Variants in GLRA3 observed in about 807,000 individuals in gnomAD.
The protein encoded by GLRA3 is glycine receptor subunit alpha-3.
A neutral mutation model predicts 60.4 loss-of-function variants in GLRA3; 44 were observed. The ratio of observed to expected loss-of-function variants is 0.73; its 90% CI spans 0.57 to 0.94. GLRA3 has a LOEUF of 0.94. GLRA3 is among the 40% of genes least tolerant of loss of function. GLRA3 has a pLI of 0.00. For synonymous variants in GLRA3, 223 were observed against 192.9 expected (o/e 1.16, Z -1.29); for missense variants, 508 against 564.6 (o/e 0.90, Z 1.02).
intron 2 of GLRA3, among the ~76,000 whole-genome samples, chr4:174,786,151 T>C (rs1234461551): frequency 2.6e-5 from 4 of 152,106 alleles, no homozygotes; most frequent in Non-Finnish European, 5.9e-5. Context: ...TGCTTACTAT[T>C]AATTCATTGT....
intron 3 of GLRA3, among the ~76,000 whole-genome samples, chr4:174,732,826 T>C: frequency 6.6e-6 from 1 of 152,050 alleles, no homozygotes; most frequent in Non-Finnish European, 1.5e-5. Context: ...TATGTATGTG[T>C]ATGTGTGTGT....
intron 7 of GLRA3, among the ~76,000 whole-genome samples, chr4:174,668,622 G>A (rs1733774460): frequency 1.3e-5 from 2 of 152,102 alleles, no homozygotes; most frequent in African/African-American, 4.8e-5. Flanking sequence ...TTAATCAATG[G>A]ATTCTAGAAA....
intron 1 of GLRA3, among the ~76,000 whole-genome samples, chr4:174,794,318 C>T (rs574514646): frequency 1.3e-4 from 20 of 152,206 alleles, no homozygotes; most frequent in African/African-American, 4.6e-4. Flanking sequence ...AAATATTACT[C>T]CAAATACAAG....
intron 1 of GLRA3, among the ~76,000 whole-genome samples, chr4:174,828,414 C>T (rs533230874): frequency 6.6e-6 from 1 of 152,184 alleles, no homozygotes; most frequent in South Asian, 2.1e-4. Flanking sequence ...AAGAGTAACA[C>T]CCAAATTATA....
At chr4:174,787,504 T>C (rs1739168274) in intron 2 of GLRA3, among the ~76,000 whole-genome samples, 1 of 151,092 alleles carries the variant, frequency 6.6e-6, no homozygotes, top group Non-Finnish European at 1.5e-5. Flanking sequence ...TTGTACCCTG[T>C]AAGCTGTACT....
chr4:174,701,485 C>A (rs1735317068), intron 5 of GLRA3, among the ~76,000 whole-genome samples: 1 of 152,152 alleles, frequency 6.6e-6, no homozygotes. Flanking sequence ...AACATAGCAT[C>A]CATTCTGTGG....
Position 174,642,359 on chromosome 4 carries a change from A to G in GLRA3, c.*1427T>C. ...AATCTTTAAAGTTTTCTCTGTGAAT[A>G]ATTTGGTGGACTGAGTTTGTGCATC... On this transcript the variant is annotated 3_prime_UTR_variant, in exon 10 of 10. Coordinates refer to ENST00000274093, the MANE Select transcript of GLRA3 (RefSeq NM_006529.4). 1.0e-6 allele frequency: 1 copy of G among 976,222 alleles called. No homozygotes were observed. Among genetic ancestry groups the G allele is most frequent in the Non-Finnish European group, 1.2e-6 (1 of 821,732 alleles). The allele number at this position is 976,222 out of a possible 1,614,324, so 60.5% of individuals were successfully genotyped here.
At chr4:174,658,324 A>G (rs1733293007) in intron 8 of GLRA3, among the ~76,000 whole-genome samples, 1 of 152,212 alleles carries the variant, frequency 6.6e-6, no homozygotes, top group African/African-American at 2.4e-5. Flanking sequence ...TCTCTCTTAT[A>G]GAAAAAGAAA....
At chr4:174,778,949 C>T (rs897396763) in intron 2 of GLRA3, among the ~76,000 whole-genome samples, 6 of 151,618 alleles carry the variant, frequency 4.0e-5, no homozygotes, top group African/African-American at 1.5e-4. Context: ...CCGGGAAGCT[C>T]CAACTGGGTG....
intron 3 of GLRA3, 59 bp from the exon 4 acceptor site, chr4:174,728,757 C>T: frequency 1.8e-6 from 2 of 1,102,882 alleles, no homozygotes; most frequent in South Asian, 3.0e-5. Flanking sequence ...AGTTTAAAAT[C>T]CATAGTGTCA....
At chr4:174,653,918 A>G (rs936544845) in intron 9 of GLRA3, among the ~76,000 whole-genome samples, 1 of 152,112 alleles carries the variant, frequency 6.6e-6, no homozygotes, top group Non-Finnish European at 1.5e-5. Flanking sequence ...CATAAACTAA[A>G]TATCTAAATA....
intron 3 of GLRA3, among the ~76,000 whole-genome samples, chr4:174,765,782 T>A (rs1316245318): frequency 6.6e-6 from 1 of 152,064 alleles, no homozygotes; most frequent in African/African-American, 2.4e-5. Flanking sequence ...ACATTCATGT[T>A]AACTTAGATT....
chr4:174,758,543 C>T (rs1362266291), intron 3 of GLRA3, among the ~76,000 whole-genome samples: 1 of 151,944 alleles, frequency 6.6e-6, no homozygotes, highest in African/African-American at 2.4e-5. Context: ...AACATGGCAA[C>T]TAAATATAAT....
At chr4:174,769,405 CTTTCCTGCAGAACAT>C (rs1738294984) in intron 2 of GLRA3, among the ~76,000 whole-genome samples, 1 of 151,956 alleles carries the variant, frequency 6.6e-6, no homozygotes, top group Non-Finnish European at 1.5e-5. Flanking sequence ...TTACTTTTTC[CTTTCCTGCAGAACAT>C]TTTCCTGATA....
intron 1 of GLRA3, among the ~76,000 whole-genome samples, chr4:174,793,832 A>G (rs1002377356): frequency 2.6e-5 from 4 of 152,210 alleles, no homozygotes; most frequent in Admixed American, 6.5e-5. Context: ...TCTATCATCT[A>G]TCTTTTCATA....
chr4:174,718,816 A>G (rs565967675), intron 4 of GLRA3, among the ~76,000 whole-genome samples: 3 of 152,210 alleles, frequency 2.0e-5, no homozygotes, highest in Non-Finnish European at 4.4e-5. Context: ...ACTCCGTACT[A>G]CAAATTTACA....
chr4:174,672,269 C>T (rs1031828580), intron 7 of GLRA3, among the ~76,000 whole-genome samples: 1 of 152,158 alleles, frequency 6.6e-6, no homozygotes, highest in Non-Finnish European at 1.5e-5. Context: ...CCTTCCACCC[C>T]TCTTGTTTTT....
At chr4:174,733,769 C>T (rs539186287) in intron 3 of GLRA3, among the ~76,000 whole-genome samples, 2 of 152,318 alleles carry the variant, frequency 1.3e-5, no homozygotes, top group African/African-American at 4.8e-5. Flanking sequence ...GTCTTTCCCA[C>T]ATGGCCCTGC....
intron 1 of GLRA3, among the ~76,000 whole-genome samples, chr4:174,804,567 G>C (rs1053528016): frequency 6.6e-6 from 1 of 152,054 alleles, no homozygotes; most frequent in African/African-American, 2.4e-5. Context: ...TGGATGTGAA[G>C]GAGAAGAATG....
Sources: gnomAD v4.1 joint callset for allele counts (sites outside exome capture counted in the v4.1 genomes callset) on GRCh38, gnomAD v4.1.1 for gene constraint, MANE v1.5 for transcripts, NCBI Gene and HGNC (gene_info 2026-07-23, HGNC 2026-07-21) for gene names.